The following POU6F2 variants were observed in gnomAD, a reference collection of about 807,000 sequenced individuals.
POU6F2 encodes POU class 6 homeobox 2, also known as POU domain, class 6, transcription factor 2.
POU6F2 carries 31 observed loss-of-function variants against 71.3 expected under a neutral mutation model. The observed-to-expected ratio is 0.43, with a 90% CI of 0.33 to 0.59. POU6F2 has a LOEUF of 0.59. Among genes scored for constraint, POU6F2 ranks in the 20% least tolerant of loss-of-function variants. The pLI, the probability that POU6F2 is intolerant of heterozygous loss-of-function variation, is 0.04. For missense variants in POU6F2, 783 were observed against 856.8 expected, an observed-to-expected ratio of 0.91 and a Z score of 1.07; for synonymous variants, 347 against 355.7, an observed-to-expected ratio of 0.98 and a Z score of 0.27.
chr7:39,282,262 T>A (rs1436611484), intron 4 of POU6F2, among the ~76,000 whole-genome samples: 2 of 152,192 alleles, frequency 1.3e-5, no homozygotes, highest in Non-Finnish European at 2.9e-5. Context: ...TGTTGATTAT[T>A]TCCTTTTCTG....
chr7:39,168,242 A>G (rs1029480701), intron 2 of POU6F2, among the ~76,000 whole-genome samples: 1 of 152,190 alleles, frequency 6.6e-6, no homozygotes, highest in Non-Finnish European at 1.5e-5. Context: ...GTATTTGTGT[A>G]GCACCTTAAA....
At chr7:39,456,928 G>A (rs1788820216) in intron 8 of POU6F2, among the ~76,000 whole-genome samples, 1 of 152,210 alleles carries the variant, frequency 6.6e-6, no homozygotes, top group Non-Finnish European at 1.5e-5. Flanking sequence ...GGGCCTCATG[G>A]AAGATACTGG....
chr7:39,101,222 C>T (rs1028231165), intron 2 of POU6F2, among the ~76,000 whole-genome samples: 27 of 151,842 alleles, frequency 1.8e-4, no homozygotes, highest in Non-Finnish European at 2.8e-4. Flanking sequence ...TACAGCCACC[C>T]GCCACCAAAC....
At chr7:39,036,064 G>A (rs1288121457) in intron 1 of POU6F2, among the ~76,000 whole-genome samples, 1 of 152,134 alleles carries the variant, frequency 6.6e-6, no homozygotes, top group Non-Finnish European at 1.5e-5. Flanking sequence ...GGAGAGGCGT[G>A]CTGAGAACAG....
At chr7:39,362,843 G>A (rs531212842) in intron 5 of POU6F2, among the ~76,000 whole-genome samples, 1 of 152,224 alleles carries the variant, frequency 6.6e-6, no homozygotes, top group Non-Finnish European at 1.5e-5. Context: ...CACACTCCAG[G>A]GAAGGGAGCA....
intron 2 of POU6F2, among the ~76,000 whole-genome samples, chr7:39,163,947 G>A (rs1049036423): frequency 9.9e-5 from 15 of 152,248 alleles, no homozygotes; most frequent in African/African-American, 2.2e-4. Context: ...GATGAAGTCC[G>A]GGGAGAAGGG....
rs1788920002 is a variant in POU6F2, at chr7:39,460,526, T to C, written c.1490-21T>C. The stretch of plus-strand genomic sequence containing the variant: ...GCTGTGTGTTGACGTATTGATCCTA[T>C]TTTTAAAAACATCTCCACAGATCCT... On this transcript the variant is annotated intron_variant, in intron 8 of 9. Transcript: ENST00000518318. This position sits in a 1 kb window ranked among gnomAD's most constrained non-coding sequence, Gnocchi z 4.4. 6.2e-7 allele frequency: 1 copy of C among 1,611,426 alleles called. No homozygotes were observed. Among genetic ancestry groups the C allele is most frequent in the South Asian group, 1.1e-5 (1 of 90,422 alleles).
chr7:39,270,113 C>T (rs1433136415), intron 4 of POU6F2, among the ~76,000 whole-genome samples: 2 of 152,136 alleles, frequency 1.3e-5, no homozygotes, highest in Admixed American at 6.5e-5. Flanking sequence ...GACAGGGCAC[C>T]ATCACAGATA....
In POU6F2 at chr7:39,098,111, A is replaced by T. The variant is rs185401415; in HGVS notation, c.277+12080A>T. 2.0e-4 allele frequency among the ~76,000 whole-genome samples: 31 copies of T among 152,232 alleles called. No homozygotes were observed. The East Asian group carries it at 5.6e-3, about 28-fold the overall frequency. On this transcript the variant is annotated intron_variant, in intron 2 of 9. Coordinates refer to ENST00000518318, the MANE Select transcript of POU6F2 (RefSeq NM_001370959.1). ...CTTAATCATGTCCAAAAGGAGGATG[A>T]ATTAGATTATTTCTTCCTGCCTGTC...
intron 4 of POU6F2, among the ~76,000 whole-genome samples, chr7:39,306,280 G>T (rs1785046972): frequency 6.6e-6 from 1 of 152,152 alleles, no homozygotes; most frequent in African/African-American, 2.4e-5. Context: ...CAACAGCCGT[G>T]GTGGCATAAA....
At chr7:39,188,469 C>T (rs1230658166) in intron 2 of POU6F2, among the ~76,000 whole-genome samples, 1 of 152,076 alleles carries the variant, frequency 6.6e-6, no homozygotes, top group Non-Finnish European at 1.5e-5. Flanking sequence ...CACACCACCA[C>T]CCCTGGCTAA....
intron 4 of POU6F2, among the ~76,000 whole-genome samples, chr7:39,222,042 C>T (rs1206234548): frequency 3.9e-5 from 6 of 151,990 alleles, no homozygotes; most frequent in African/African-American, 1.2e-4. Flanking sequence ...TTATTTTCAC[C>T]ACCAAAAGTT....
At chr7:39,134,042 T>G (rs1473296653) in intron 2 of POU6F2, among the ~76,000 whole-genome samples, 1 of 152,092 alleles carries the variant, frequency 6.6e-6, no homozygotes, top group Non-Finnish European at 1.5e-5. Flanking sequence ...GACCGGCTAA[T>G]TTTTTATTTT....
chr7:39,005,069 T>C (rs1789021262), intron 1 of POU6F2: 1 of 152,258 alleles, frequency 6.6e-6, no homozygotes, highest in South Asian at 2.1e-4. Context: ...TCACCTCATC[T>C]TCATAATCTT....
chr7:39,044,267 C>G (rs1468530763), intron 1 of POU6F2, among the ~76,000 whole-genome samples: 1 of 151,850 alleles, frequency 6.6e-6, no homozygotes, highest in African/African-American at 2.4e-5. Context: ...TTCAGAGAAA[C>G]TAAAAAATCC....
chr7:39,426,049 C>T (rs577152109), intron 6 of POU6F2, among the ~76,000 whole-genome samples: 4 of 152,304 alleles, frequency 2.6e-5, no homozygotes, highest in African/African-American at 9.6e-5. Context: ...GTTAGCAGCC[C>T]CAACTGGGGC....
intron 1 of POU6F2, among the ~76,000 whole-genome samples, chr7:39,017,813 C>CATGTGT (rs142504790): frequency 1.4e-5 from 2 of 147,924 alleles, no homozygotes; most frequent in Non-Finnish European, 3.0e-5. Flanking sequence ...ATTGTGCATG[C>CATGTGT]GTGTGTGTGT....
chr7:39,377,398 C>A (rs979335925), intron 5 of POU6F2, among the ~76,000 whole-genome samples: 1 of 151,860 alleles, frequency 6.6e-6, no homozygotes, highest in Non-Finnish European at 1.5e-5. Context: ...CCCAAAGTGC[C>A]GGGATTACAG....
intron 6 of POU6F2, among the ~76,000 whole-genome samples, chr7:39,412,672 A>T (rs184186447): frequency 1.8e-4 from 28 of 151,722 alleles, no homozygotes; most frequent in African/African-American, 6.5e-4. Context: ...ACAATGAAAC[A>T]TGTTAAATGT....
Sources: gnomAD v4.1 joint callset for allele counts (sites outside exome capture counted in the v4.1 genomes callset) on GRCh38, gnomAD v4.1.1 for gene constraint, Gnocchi (gnomAD v3.1) non-coding constraint, MANE v1.5 for transcripts, NCBI Gene and HGNC (gene_info 2026-07-23, HGNC 2026-07-21) for gene names.